HERC4: variants seen among roughly 807,000 people sequenced by gnomAD.
The protein encoded by HERC4 is HECT and RLD domain containing E3 ubiquitin protein ligase 4, also known as probable E3 ubiquitin-protein ligase HERC4.
A neutral mutation model predicts 124.3 loss-of-function variants in HERC4; 28 were observed. The ratio of observed to expected loss-of-function variants is 0.23; its 90% CI spans 0.17 to 0.31. The LOEUF (loss-of-function observed/expected upper bound fraction) is 0.31. HERC4 is among the 10% of genes least tolerant of loss of function. The pLI, the probability that HERC4 is intolerant of heterozygous loss-of-function variation, is 1.00. For synonymous variants in HERC4, 407 were observed against 421.5 expected (o/e 0.97, Z 0.42); for missense variants, 713 against 1,229.3 (o/e 0.58, Z 6.28).
rs2039924548 is a variant in HERC4, at chr10:68,044,574, CAAG to C, written c.227-14_227-12del. 1 of 1,609,816 alleles carries C rather than the reference CAAG, an allele frequency of 6.2e-7. No homozygotes were observed. The highest frequency in any genetic ancestry group is 8.5e-7 in the Non-Finnish European group (1 of 1,178,468). On this transcript the variant is annotated splice_polypyrimidine_tract_variant and intron_variant, in intron 3 of 24. Transcript: ENST00000373700. ...GGGCAACAACCTGCTCTACAGAAAT[CAAG>C]AAGAGAAATATTGCATTCTAGTACA... is the stretch of plus-strand genomic sequence containing the variant.
chr10:68,003,080 C>T (rs2037325013), intron 9 of HERC4, among the ~76,000 whole-genome samples: 1 of 151,856 alleles, frequency 6.6e-6, no homozygotes, highest in Non-Finnish European at 1.5e-5. Flanking sequence ...TTTAAATGTA[C>T]AATAAATTAT....
chr10:68,033,624 T>C (rs956843960), intron 6 of HERC4, among the ~76,000 whole-genome samples: 15 of 152,234 alleles, frequency 9.9e-5, no homozygotes, highest in African/African-American at 3.6e-4. Flanking sequence ...ACTCAAAGAT[T>C]AACACTTCAT....
chr10:68,013,458 G>A (rs1402722299), intron 9 of HERC4, among the ~76,000 whole-genome samples: 1 of 152,176 alleles, frequency 6.6e-6, no homozygotes, highest in Non-Finnish European at 1.5e-5. Flanking sequence ...GTTATGCTTA[G>A]TGAAATAAGT....
At chr10:67,990,522 T>C in intron 13 of HERC4, 122 bp from the exon 14 acceptor site, 1 of 532,422 alleles carries the variant, frequency 1.9e-6, no homozygotes, top group Non-Finnish European at 3.1e-6. Context: ...ACAGCAAATA[T>C]GAAATGGTGA....
intron 3 of HERC4, among the ~76,000 whole-genome samples, chr10:68,063,766 C>A (rs767959590): frequency 2.0e-5 from 3 of 151,752 alleles, no homozygotes; most frequent in Non-Finnish European, 4.4e-5. Flanking sequence ...GGCAAAACCC[C>A]GTCTCTACTA....
chr10:67,965,583 G>A (rs1466596544), intron 16 of HERC4: 2 of 152,184 alleles, frequency 1.3e-5, no homozygotes, highest in East Asian at 3.9e-4. Context: ...ATTCCGGAAG[G>A]TGGGAGTATC....
intron 17 of HERC4, 75 bp from the exon 18 acceptor site, chr10:67,955,205 A>T: frequency 7.9e-7 from 1 of 1,272,442 alleles, no homozygotes; most frequent in Non-Finnish European, 1.1e-6. Flanking sequence ...GCTAACCTCT[A>T]CCTATTAGTT....
At chr10:68,041,970 T>C (rs917172197) in intron 4 of HERC4, among the ~76,000 whole-genome samples, 4 of 152,208 alleles carry the variant, frequency 2.6e-5, no homozygotes, top group African/African-American at 9.6e-5. Context: ...ATGGGTTTTG[T>C]TGTCACAAAA....
At chr10:67,998,149 G>C (rs1183864270) in intron 9 of HERC4, among the ~76,000 whole-genome samples, 1 of 151,526 alleles carries the variant, frequency 6.6e-6, no homozygotes, top group Admixed American at 6.6e-5. Context: ...CACCTGCCTC[G>C]GCCTCCCAAA....
At chr10:67,994,306 T>C (rs2036729253) in intron 9 of HERC4, 1 of 152,234 alleles carries the variant, frequency 6.6e-6, no homozygotes, top group Non-Finnish European at 1.5e-5. Context: ...ACTCTTAAAA[T>C]GTGATTGTGC....
At chr10:68,022,126 T>TA (rs771233790) in intron 8 of HERC4, among the ~76,000 whole-genome samples, 1 of 152,046 alleles carries the variant, frequency 6.6e-6, no homozygotes, top group Non-Finnish European at 1.5e-5. Flanking sequence ...GGAAAGACAT[T>TA]AGAGACAAAT....
At chr10:68,003,078 T>C (rs991858254) in intron 9 of HERC4, among the ~76,000 whole-genome samples, 1 of 152,136 alleles carries the variant, frequency 6.6e-6, no homozygotes, top group Non-Finnish European at 1.5e-5. Flanking sequence ...TTTTTAAATG[T>C]ACAATAAATT....
At chr10:68,036,750 T>C (rs1344852701) in intron 5 of HERC4, among the ~76,000 whole-genome samples, 2 of 152,156 alleles carry the variant, frequency 1.3e-5, no homozygotes, top group Non-Finnish European at 2.9e-5. Context: ...TCTCAACATT[T>C]CTCCAATTAT....
intron 19 of HERC4, among the ~76,000 whole-genome samples, chr10:67,944,003 C>T (rs1227349747): frequency 6.6e-6 from 1 of 152,234 alleles, no homozygotes; most frequent in African/African-American, 2.4e-5. Flanking sequence ...TTTCTGGACC[C>T]AACTGGGACT....
chr10:67,946,348 A>C (rs1293101300), intron 19 of HERC4, among the ~76,000 whole-genome samples: 65 of 128,456 alleles, frequency 5.1e-4, no homozygotes, highest in South Asian at 1.1e-3. Flanking sequence ...ATAAAACACA[A>C]ACACACACAC....
intron 7 of HERC4, among the ~76,000 whole-genome samples, chr10:68,029,269 T>C (rs1264516097): frequency 3.3e-5 from 5 of 152,118 alleles, no homozygotes; most frequent in South Asian, 2.1e-4. Flanking sequence ...GGCAGATGGA[T>C]TTCTTGAGGT....
intron 19 of HERC4, among the ~76,000 whole-genome samples, chr10:67,942,265 A>AC (rs1486413098): frequency 6.6e-6 from 1 of 152,236 alleles, no homozygotes; most frequent in Non-Finnish European, 1.5e-5. Context: ...TGTGAGGATT[A>AC]CATGGGATAA....
At chr10:67,942,646 G>A (rs2033011388) in intron 19 of HERC4, among the ~76,000 whole-genome samples, 1 of 152,034 alleles carries the variant, frequency 6.6e-6, no homozygotes, top group African/African-American at 2.4e-5. Context: ...CGGGTAGCTG[G>A]GATTACAGGC....
intron 3 of HERC4, chr10:68,067,649 A>G (rs1417645215): frequency 6.6e-6 from 1 of 152,248 alleles, no homozygotes; most frequent in Non-Finnish European, 1.5e-5. Flanking sequence ...ACAGGTCAGA[A>G]AAATGAAGAA....
Sources: allele counts gnomAD v4.1 joint callset (sites outside exome capture counted in the v4.1 genomes callset), GRCh38; gene constraint gnomAD v4.1.1; transcripts MANE v1.5; gene names NCBI Gene and HGNC (gene_info 2026-07-23, HGNC 2026-07-21).